GALNT3: variants seen among roughly 807,000 people sequenced by gnomAD.
GALNT3 encodes GalNAc transferase 3.
Under a neutral mutation model 69.8 loss-of-function variants are expected in GALNT3, and 51 were observed. The observed-to-expected ratio is 0.73, with a 90% CI of 0.58 to 0.92. The LOEUF (loss-of-function observed/expected upper bound fraction) is 0.92, where lower values mean the gene tolerates loss of function less well. Ranked by LOEUF, GALNT3 falls within the 40% of genes least tolerant of loss-of-function variation. GALNT3 has a pLI of 0.00. For missense variants in GALNT3, 711 were observed against 760.0 expected (o/e 0.94, Z 0.76); for synonymous variants, 265 against 248.5 (o/e 1.07, Z -0.63).
chr2:165,754,799 G>T, intron 8 of GALNT3, 71 bp from the exon 9 acceptor site: 1 of 1,367,586 alleles, frequency 7.3e-7, no homozygotes. Context: ...AAATAATTTA[G>T]AAAGTAATGT....
chr2:165,783,212 C>A (rs1683149851), intron 1 of GALNT3, among the ~76,000 whole-genome samples: 1 of 152,108 alleles, frequency 6.6e-6, no homozygotes, highest in African/African-American at 2.4e-5. Flanking sequence ...GCAGGGAATC[C>A]CTTCACTAAT....
At chr2:165,789,536 G>GTAGTACACATTTATGA (rs1379945410) in intron 1 of GALNT3, among the ~76,000 whole-genome samples, 1 of 152,098 alleles carries the variant, frequency 6.6e-6, no homozygotes, top group Non-Finnish European at 1.5e-5. Context: ...CACCTGGATG[G>GTAGTACACATTTATGA]TAGTACACAT....
At chr2:165,789,523 T>C (rs970419369) in intron 1 of GALNT3, among the ~76,000 whole-genome samples, 1 of 152,146 alleles carries the variant, frequency 6.6e-6, no homozygotes, top group African/African-American at 2.4e-5. Flanking sequence ...ATTTCTGGTA[T>C]GGCACCTGGA....
intron 1 of GALNT3, among the ~76,000 whole-genome samples, chr2:165,786,038 T>C (rs1213943668): frequency 1.3e-5 from 2 of 151,314 alleles, no homozygotes; most frequent in Non-Finnish European, 3.0e-5. Context: ...ACAATATCTA[T>C]GTAATCACAG....
chr2:165,790,083 T>C (rs1683312205), intron 1 of GALNT3, among the ~76,000 whole-genome samples: 1 of 152,256 alleles, frequency 6.6e-6, no homozygotes. Flanking sequence ...GGTTTGAACA[T>C]ATATAATCTC....
chr2:165,757,293 A>G, intron 6 of GALNT3, 46 bp from the exon 7 acceptor site: 33 of 1,581,572 alleles, frequency 2.1e-5, no homozygotes, highest in Non-Finnish European at 2.9e-5. Context: ...TTTTAGAAAA[A>G]TCAAAGTGTT....
intron 1 of GALNT3, among the ~76,000 whole-genome samples, chr2:165,792,320 G>C (rs1324048481): frequency 1.3e-5 from 2 of 152,224 alleles, no homozygotes; most frequent in African/African-American, 4.8e-5. Context: ...TAAGAGGAAA[G>C]ACAGTCTGGT....
Position 165,754,986 on chromosome 2 carries a change from G to A in GALNT3, c.1470C>T (p.Asn490=). 6.2e-7 allele frequency: 1 copy of A among 1,612,240 alleles called. No individual in the cohort carries two copies. The highest frequency in any genetic ancestry group is 8.5e-7 in the Non-Finnish European group (1 of 1,178,502). The stretch of plus-strand genomic sequence containing the variant: ...GCACATACACCTCTGGATAAATGTT[G>A]TTCAGATACCATGTAAAATTTTTAC... The part of the protein sequence containing the change: ...LQCKNFTWYL[N]NIYPEVYVPD... The change falls in exon 8 of 11, where the codon AAC becomes AAT. Residue 490 remains asparagine (N), a synonymous_variant. Transcript: ENST00000392701.
rs759069735 is a variant in GALNT3, at chr2:165,749,728, T to C, written c.1779+14A>G. On this transcript the variant is annotated intron_variant, in intron 10 of 10. Transcript: ENST00000392701. Reference sequence around the variant, plus strand: ...AAAAATAGTTAAATAGATGAATTAATTGCACTGAGGTACCTTCTGGATCTC... The same window carrying C: ...AAAAATAGTTAAATAGATGAATTAACTGCACTGAGGTACCTTCTGGATCTC... 1.9e-6 allele frequency: 3 copies of C among 1,611,544 alleles called. No individual in the cohort carries two copies. In the Admixed American group the frequency reaches 5.0e-5, roughly 27 times the overall value.
rs373125597 is a variant in GALNT3, at chr2:165,749,897, A to G, written c.1627-3T>C. Reference sequence around the variant, plus strand: ...TGTTGAGCAGAGTATTCAAAGTACTATGGAAGGAATAGCACTGTTACTGAC... The same window carrying G: ...TGTTGAGCAGAGTATTCAAAGTACTGTGGAAGGAATAGCACTGTTACTGAC... On this transcript the variant is annotated splice_region_variant and splice_polypyrimidine_tract_variant and intron_variant, in intron 9 of 10. Transcript: ENST00000392701. 5.0e-6 allele frequency: 8 copies of G among 1,613,246 alleles called. No homozygotes were observed. In the African/African-American group the frequency reaches 6.7e-5, roughly 13 times the overall value.
chr2:165,754,816 T>C (rs1688417145), intron 8 of GALNT3, 88 bp from the exon 9 acceptor site: 3 of 1,376,694 alleles, frequency 2.2e-6, no homozygotes, highest in Non-Finnish European at 3.0e-6. Flanking sequence ...ATGTTAATGA[T>C]TATAATGTAA....
rs77712864 is a variant in GALNT3 at position 165,792,916 on chromosome 2, C to T, written c.-109+1099G>A. 7.3e-3 allele frequency among the ~76,000 whole-genome samples: 1,104 copies of T among 152,222 alleles called. 7 individuals carry two copies. Among genetic ancestry groups the T allele is most frequent in the Middle Eastern group, 0.014 (4 of 294 alleles). ...AAGCAGAGATTTTCTAATTAAAATG[C>T]TGTCACTTTAATATTTTTTAGCTAT... is the stretch of plus-strand genomic sequence containing the variant. On this transcript the variant is annotated intron_variant, in intron 1 of 10. Transcript: ENST00000392701.
At position 165,754,616 on chromosome 2, in the gene GALNT3, G is replaced by A. The variant is rs766458456; in HGVS notation, c.1626+11C>T. 19 of 1,577,904 alleles carry A rather than the reference G, an allele frequency of 1.2e-5. No homozygotes were observed. Among genetic ancestry groups the A allele is most frequent in the Non-Finnish European group, 1.7e-5 (19 of 1,147,464 alleles). ...GCTTTACAAGTGAAGGATTTTTAATGCAGTGCTCACCTGGTTTCCCCCAAG... is the reference window on the plus strand; with the variant it reads ...GCTTTACAAGTGAAGGATTTTTAATACAGTGCTCACCTGGTTTCCCCCAAG... On this transcript the variant is annotated intron_variant, in intron 9 of 10. Coordinates refer to ENST00000392701, the MANE Select transcript of GALNT3 (RefSeq NM_004482.4).
At chr2:165,755,761 G>A (rs1688433429) in intron 7 of GALNT3, among the ~76,000 whole-genome samples, 1 of 152,168 alleles carries the variant, frequency 6.6e-6, no homozygotes, top group African/African-American at 2.4e-5. Context: ...CTAAATGTAT[G>A]CAAAAGTAAA....
At chr2:165,779,834 T>C (rs893469973) in intron 1 of GALNT3, among the ~76,000 whole-genome samples, 4 of 152,242 alleles carry the variant, frequency 2.6e-5, no homozygotes, top group African/African-American at 9.6e-5. Context: ...TGAATATCTA[T>C]GGCTTCTTTC....
intron 3 of GALNT3, among the ~76,000 whole-genome samples, chr2:165,763,043 T>C (rs1688580320): frequency 6.6e-6 from 1 of 151,818 alleles, no homozygotes; most frequent in South Asian, 2.1e-4. Flanking sequence ...TCAAGCTATT[T>C]GCAGGCCTCA....
chr2:165,759,465 T>C lies in GALNT3; in HGVS notation c.944A>G (p.Glu315Gly). ...DIASIDLNTF[E>G]FNKPSPYGSN... ...TCCATAAGGAGAAGGTTTGTTGAAT[T>C]CAAACGTGTTCAGATCTATGGATGC... Residue 315 changes from glutamate (E) to glycine (G), a missense_variant, in exon 5 of 11, where the codon GAA (glutamate) becomes GGA (glycine). Physicochemically the swap from Glu to Gly is moderately conservative, Grantham distance 98. Transcript: ENST00000392701. The C allele has an allele frequency of 6.2e-7, 1 of 1,614,044 alleles. No individual in the cohort carries two copies. The highest frequency in any genetic ancestry group is 8.5e-7 in the Non-Finnish European group (1 of 1,179,986).
chr2:165,787,904 C>T (rs1014966161), intron 1 of GALNT3, among the ~76,000 whole-genome samples: 5 of 151,988 alleles, frequency 3.3e-5, no homozygotes, highest in African/African-American at 1.2e-4. Context: ...TGGAACAGAA[C>T]CAAAAGGTCC....
chr2:165,766,417 T>A (rs999438326), intron 2 of GALNT3, among the ~76,000 whole-genome samples: 1 of 152,150 alleles, frequency 6.6e-6, no homozygotes, highest in Admixed American at 6.5e-5. Context: ...CTTTCCTCAA[T>A]GAAAAATATC....
Sources: allele counts gnomAD v4.1 joint callset (sites outside exome capture counted in the v4.1 genomes callset), GRCh38; gene constraint gnomAD v4.1.1; transcripts MANE v1.5; gene names NCBI Gene and HGNC (gene_info 2026-07-23, HGNC 2026-07-21).